Variants in TTLL7 observed in about 807,000 individuals in gnomAD.
TTLL7 encodes the protein tubulin polyglutamylase TTLL7.
TTLL7 carries 53 observed loss-of-function variants against 120.2 expected under a neutral mutation model. That is an observed-to-expected ratio of 0.44 (90% CI 0.35 to 0.55). The LOEUF (loss-of-function observed/expected upper bound fraction) is 0.55. Among genes scored for constraint, TTLL7 ranks in the 20% least tolerant of loss-of-function variants. The pLI is 0.00. For missense variants in TTLL7, 803 were observed against 1,054.7 expected, an observed-to-expected ratio of 0.76 and a Z score of 3.31; for synonymous variants, 353 against 351.7, an observed-to-expected ratio of 1.00 and a Z score of -0.04.
At chr1:83,870,198 A>C in intron 20 of TTLL7, 116 bp from the exon 21 acceptor site, 1 of 948,630 alleles carries the variant, frequency 1.1e-6, no homozygotes, top group Non-Finnish European at 1.5e-6. Flanking sequence ...TGTAACAAAA[A>C]TGCAATTCAT....
At position 83,907,446 on chromosome 1, in the gene TTLL7, G is replaced by T; in HGVS notation, c.1992+10C>A. 6.2e-7 allele frequency: 1 copy of T among 1,611,496 alleles called. No homozygotes were observed. Among genetic ancestry groups the T allele is most frequent in the African/African-American group, 1.3e-5 (1 of 74,926 alleles). On this transcript the variant is annotated intron_variant, in intron 16 of 20. Coordinates refer to ENST00000260505, the MANE Select transcript of TTLL7 (RefSeq NM_024686.6). ...CCTGTAATCTTGAAAGAGCAAAACA[G>T]ATGACCTACCACTTGAGAGTTGGTA...
intron 18 of TTLL7, among the ~76,000 whole-genome samples, chr1:83,896,711 C>T (rs1339039690): frequency 2.6e-5 from 4 of 152,072 alleles, no homozygotes; most frequent in Non-Finnish European, 5.9e-5. Flanking sequence ...AGAAGTAATA[C>T]TTGATAAACA....
chr1:83,928,024 C>T (rs1310293753), intron 10 of TTLL7, among the ~76,000 whole-genome samples: 1 of 152,144 alleles, frequency 6.6e-6, no homozygotes, highest in Non-Finnish European at 1.5e-5. Context: ...TTTCTACTTT[C>T]CCTTAGTTTT....
chr1:83,904,964 T>C (rs1571135054), intron 17 of TTLL7, among the ~76,000 whole-genome samples: 6 of 151,996 alleles, frequency 3.9e-5, no homozygotes, highest in Non-Finnish European at 8.8e-5. Context: ...TTATTAATTA[T>C]ATAAGCCTAT....
At chr1:83,886,728 A>G (rs918651737) in intron 19 of TTLL7, among the ~76,000 whole-genome samples, 1 of 151,644 alleles carries the variant, frequency 6.6e-6, no homozygotes, top group Non-Finnish European at 1.5e-5. Context: ...GCTTTCCCAA[A>G]CCATGCATTC....
chr1:83,938,319 A>T (rs1161050998), intron 7 of TTLL7, among the ~76,000 whole-genome samples: 2 of 152,236 alleles, frequency 1.3e-5, no homozygotes, highest in Non-Finnish European at 2.9e-5. Context: ...CATATTGCTA[A>T]GCAAGAAAAA....
intron 1 of TTLL7, among the ~76,000 whole-genome samples, chr1:83,987,015 A>C (rs1652516116): frequency 1.3e-5 from 2 of 152,030 alleles, no homozygotes; most frequent in Middle Eastern, 3.4e-3. Context: ...TTTAAAAAAA[A>C]CCCTCAAAGT....
chr1:83,963,358 C>A (rs1435431183), intron 1 of TTLL7, among the ~76,000 whole-genome samples: 1 of 151,886 alleles, frequency 6.6e-6, no homozygotes, highest in Non-Finnish European at 1.5e-5. Flanking sequence ...ACACTACCTG[C>A]AGTTGCTGGT....
chr1:83,995,210 T>C (rs1653374235), intron 1 of TTLL7, among the ~76,000 whole-genome samples: 1 of 151,940 alleles, frequency 6.6e-6, no homozygotes. Context: ...AATATGCAAA[T>C]ATTCTATAAT....
intron 1 of TTLL7, among the ~76,000 whole-genome samples, chr1:83,987,618 C>T (rs1299873650): frequency 3.3e-5 from 5 of 152,058 alleles, no homozygotes; most frequent in Non-Finnish European, 5.9e-5. Context: ...CAATTTGAAA[C>T]AATTCTAACG....
intron 9 of TTLL7, among the ~76,000 whole-genome samples, chr1:83,931,003 T>G (rs1460936206): frequency 2.1e-5 from 3 of 140,118 alleles, no homozygotes; most frequent in Non-Finnish European, 4.7e-5. Flanking sequence ...GTTGTTCTTG[T>G]TTTTTTTTTT....
At chr1:83,906,236 T>G in intron 17 of TTLL7, 93 bp downstream of exon 17, 1 of 1,058,044 alleles carries the variant, frequency 9.5e-7, no homozygotes, top group Non-Finnish European at 1.4e-6. Context: ...ACTATGTCAC[T>G]GAGCATAATG....
At chr1:83,954,047 CCT>C (rs1649297382) in intron 1 of TTLL7, among the ~76,000 whole-genome samples, 1 of 152,076 alleles carries the variant, frequency 6.6e-6, no homozygotes, top group South Asian at 2.1e-4. Context: ...CTCTCTGAAA[CCT>C]CAGGGAAGTA....
At chr1:83,998,473 C>T (rs1359419907) in intron 1 of TTLL7, among the ~76,000 whole-genome samples, 1 of 152,194 alleles carries the variant, frequency 6.6e-6, no homozygotes, top group Non-Finnish European at 1.5e-5. Flanking sequence ...GTGAGAGGTA[C>T]CTACAAGGGC....
intron 1 of TTLL7, among the ~76,000 whole-genome samples, chr1:83,972,736 G>C (rs1040065370): frequency 3.3e-5 from 5 of 152,018 alleles, no homozygotes; most frequent in African/African-American, 9.7e-5. Context: ...ATCAGTACTT[G>C]GTGTTGTGAG....
intron 15 of TTLL7, among the ~76,000 whole-genome samples, chr1:83,908,009 C>A (rs1205629300): frequency 1.3e-5 from 2 of 152,068 alleles, no homozygotes; most frequent in African/African-American, 4.8e-5. Flanking sequence ...CTAAGTGCTA[C>A]ACTTATATCT....
chr1:83,925,151 T>C (rs933750230), intron 10 of TTLL7, among the ~76,000 whole-genome samples: 7 of 152,314 alleles, frequency 4.6e-5, no homozygotes, highest in East Asian at 3.9e-4. Flanking sequence ...GCAATCTATA[T>C]ATGAATATCA....
Position 83,938,005 on chromosome 1 carries a change from G to A in TTLL7, c.735C>T (p.Tyr245=), listed in dbSNP as rs1165076143. The A allele has an allele frequency of 6.2e-6, 10 of 1,613,890 alleles. No homozygotes were observed. The highest frequency in any genetic ancestry group is 7.6e-6 in the Non-Finnish European group (9 of 1,179,864). The change falls in exon 8 of 21, where the codon TAC becomes TAT. Residue 245 remains tyrosine (Y), a synonymous_variant. Coordinates refer to ENST00000260505, the MANE Select transcript of TTLL7 (RefSeq NM_024686.6). ...TCACGGAGTAGTTTGTCAGATGCATGTATAACTGGGTCTGTAACAAGTAAG... is the reference window on the plus strand; with the variant it reads ...TCACGGAGTAGTTTGTCAGATGCATATATAACTGGGTCTGTAACAAGTAAG... The part of the protein sequence containing the change: ...PPNESNLTQL[Y]MHLTNYSVNK...
At chr1:83,919,657 A>T in intron 13 of TTLL7, 42 bp downstream of exon 13, 1 of 1,549,918 alleles carries the variant, frequency 6.5e-7, no homozygotes. Flanking sequence ...CATATTGTTT[A>T]GCTTTATTCT....
Sources: gnomAD v4.1 joint callset for allele counts (sites outside exome capture counted in the v4.1 genomes callset) on GRCh38, gnomAD v4.1.1 for gene constraint, MANE v1.5 for transcripts, NCBI Gene and HGNC (gene_info 2026-07-23, HGNC 2026-07-21) for gene names.